The following RHOU variants were observed in gnomAD, a reference collection of about 807,000 sequenced individuals.
The protein encoded by RHOU is rho-related GTP-binding protein RhoU.
In RHOU, 8 loss-of-function variants were observed where a neutral mutation model predicts 12.6. That is an observed-to-expected ratio of 0.64 (90% CI 0.37 to 1.15). The LOEUF is 1.15. RHOU is among the 50% of genes most tolerant of loss of function. The pLI, the probability that RHOU is intolerant of heterozygous loss-of-function variation, is 0.01. For synonymous variants in RHOU, 161 were observed against 147.4 expected (o/e 1.09, Z -0.67); for missense variants, 258 against 347.0 (o/e 0.74, Z 2.04).
At position 228,744,659 on chromosome 1, in the gene RHOU, C is replaced by G. The variant is rs1325371842; in HGVS notation, c.*919C>G. 2 of 152,214 alleles carry G rather than the reference C, an allele frequency of 1.3e-5. No individual in the cohort carries two copies. The highest frequency in any genetic ancestry group is 2.9e-5 in the Non-Finnish European group (2 of 68,052). 9.4% of individuals were successfully genotyped at this position (152,214 alleles called of 1,614,324 possible). On this transcript the variant is annotated 3_prime_UTR_variant, in exon 3 of 3. Transcript: ENST00000366691. The stretch of plus-strand genomic sequence containing the variant: ...TCTCTTCGGCAGGGAGGTGAATACT[C>G]TTGAAAGGCCAACAGCAAGTGTTTG...
the RHOU span, among the ~76,000 whole-genome samples, chr1:228,707,243 A>ATG: frequency 1.4e-4 from 13 of 93,004 alleles, no homozygotes; most frequent in African/African-American, 8.6e-4. Context: ...ATGTATATAT[A>ATG]TATATATATA....
the RHOU span, among the ~76,000 whole-genome samples, chr1:228,669,496 A>G: frequency 6.6e-6 from 1 of 152,214 alleles, no homozygotes; most frequent in African/African-American, 2.4e-5. Context: ...GAGCCAGCAC[A>G]GCTAAACCTA....
At chr1:228,664,801 T>C in the RHOU span, among the ~76,000 whole-genome samples, 1 of 152,128 alleles carries the variant, frequency 6.6e-6, no homozygotes, top group Non-Finnish European at 1.5e-5. Context: ...GACCGGCTAA[T>C]TTTTTGTATT....
the RHOU span, among the ~76,000 whole-genome samples, chr1:228,646,517 C>G: frequency 2.1e-4 from 21 of 100,952 alleles, no homozygotes; most frequent in Admixed American, 1.1e-4. Context: ...GAACAGCCGG[C>G]CCAGCCGCGC....
the RHOU span, among the ~76,000 whole-genome samples, chr1:228,715,315 A>C: frequency 6.6e-6 from 1 of 152,090 alleles, no homozygotes; most frequent in Non-Finnish European, 1.5e-5. Context: ...ACTGTGTTTT[A>C]ATTATCAATA....
the RHOU span, among the ~76,000 whole-genome samples, chr1:228,680,017 G>T: frequency 6.6e-6 from 1 of 152,160 alleles, no homozygotes. Context: ...ACCAGAGTTG[G>T]GGAGTTTTAA....
chr1:228,715,513 C>T, the RHOU span, among the ~76,000 whole-genome samples: 9 of 152,024 alleles, frequency 5.9e-5, no homozygotes, highest in African/African-American at 1.9e-4. Context: ...GTAGAATATT[C>T]GGTAATATTT....
chr1:228,680,618 G>A, the RHOU span, among the ~76,000 whole-genome samples: 851 of 152,278 alleles, frequency 5.6e-3, 5 homozygotes, highest in Admixed American at 8.6e-3. Flanking sequence ...TTGAAGGCCG[G>A]ATTCCAATTT....
intron 1 of RHOU, among the ~76,000 whole-genome samples, chr1:228,736,497 C>G (rs886135596): frequency 2.0e-5 from 3 of 152,016 alleles, no homozygotes; most frequent in Non-Finnish European, 2.9e-5. Context: ...TTTAAAGAGC[C>G]GCGGAGACGC....
the RHOU span, among the ~76,000 whole-genome samples, chr1:228,657,203 G>C: frequency 5.0e-5 from 7 of 140,144 alleles, no homozygotes; most frequent in African/African-American, 1.4e-4. Context: ...CTTCAACCCA[G>C]GAGGTGGAGG....
the RHOU span, among the ~76,000 whole-genome samples, chr1:228,688,229 C>T: frequency 6.6e-6 from 1 of 152,178 alleles, no homozygotes; most frequent in African/African-American, 2.4e-5. Flanking sequence ...CAGCTCTCCA[C>T]TCATGCCTCC....
the RHOU span, among the ~76,000 whole-genome samples, chr1:228,716,091 C>A: frequency 1.8e-4 from 28 of 152,030 alleles, no homozygotes; most frequent in Middle Eastern, 3.4e-3. Context: ...TAACAAAAAT[C>A]TTTTTTGTAA....
the RHOU span, among the ~76,000 whole-genome samples, chr1:228,662,789 T>C: frequency 4.9e-4 from 75 of 152,014 alleles, no homozygotes; most frequent in African/African-American, 1.6e-3. Context: ...ATATAACCAA[T>C]CTGCATGTTC....
chr1:228,655,107 T>C, the RHOU span, among the ~76,000 whole-genome samples: 3 of 140,132 alleles, frequency 2.1e-5, no homozygotes, highest in Admixed American at 7.3e-5. Flanking sequence ...TTAACCTTGC[T>C]TTTTTTTTTT....
At chr1:228,680,045 C>T in the RHOU span, among the ~76,000 whole-genome samples, 3,185 of 152,158 alleles carry the variant, frequency 0.021, 156 homozygotes, top group East Asian at 0.17. Flanking sequence ...AGAAGCCTGG[C>T]TGTCATAATC....
At position 228,737,047 on chromosome 1, in the gene RHOU, A is replaced by G. The variant is rs1662626361; in HGVS notation, c.263-626A>G. ...TAATTAAAATAGAAACCTCCACAACATGTCCTGCTGCAGGCCTCTCCACAC... is the reference window on the plus strand; with the variant it reads ...TAATTAAAATAGAAACCTCCACAACGTGTCCTGCTGCAGGCCTCTCCACAC... On this transcript the variant is annotated intron_variant, in intron 1 of 2. Transcript: ENST00000366691. The surrounding 1 kb of genome is among the most constrained non-coding windows in gnomAD (Gnocchi z 4.1). 6.6e-6 allele frequency among the ~76,000 whole-genome samples: 1 copy of G among 151,540 alleles called. No homozygotes were observed. The highest frequency in any genetic ancestry group is 6.6e-5 in the Admixed American group (1 of 15,214).
chr1:228,666,124 A>AT, the RHOU span, among the ~76,000 whole-genome samples: 1 of 151,726 alleles, frequency 6.6e-6, no homozygotes, highest in Non-Finnish European at 1.5e-5. Flanking sequence ...TGCCTGGCTA[A>AT]TTTTTTTGTA....
chr1:228,648,834 C>T, the RHOU span, among the ~76,000 whole-genome samples: 53 of 150,426 alleles, frequency 3.5e-4, no homozygotes, highest in African/African-American at 1.3e-3. Context: ...TTTGTTTTTT[C>T]TCTCTTTCTT....
At chr1:228,706,659 T>C in the RHOU span, among the ~76,000 whole-genome samples, 1 of 152,166 alleles carries the variant, frequency 6.6e-6, no homozygotes, top group African/African-American at 2.4e-5. Context: ...ATTTTACGTG[T>C]TTTTTGGTTT....
Sources: allele counts gnomAD v4.1 joint callset (sites outside exome capture counted in the v4.1 genomes callset), GRCh38; gene constraint gnomAD v4.1.1; non-coding constraint Gnocchi (gnomAD v3.1); transcripts MANE v1.5; gene names NCBI Gene and HGNC (gene_info 2026-07-23, HGNC 2026-07-21).